DGKD: variants seen among roughly 807,000 people sequenced by gnomAD.
The protein encoded by DGKD is DAG kinase delta.
A neutral mutation model predicts 154.4 loss-of-function variants in DGKD; 68 were observed. The ratio of observed to expected loss-of-function variants is 0.44; its 90% CI spans 0.36 to 0.54. DGKD has a LOEUF of 0.54. Ranked by LOEUF, DGKD falls within the 20% of genes least tolerant of loss-of-function variation. The probability of loss-of-function intolerance (pLI) is 0.00; values close to 1 mark genes in which losing one functional copy is unlikely to be tolerated. For synonymous variants in DGKD, 693 were observed against 638.0 expected (o/e 1.09, Z -1.30); for missense variants, 1,343 against 1,593.6 (o/e 0.84, Z 2.68).
Position 233,459,937 on chromosome 2 carries a change from C to T in DGKD, c.2829+46C>T, listed in dbSNP as rs1272769137. 1.9e-6 allele frequency: 3 copies of T among 1,594,514 alleles called. No homozygotes were observed. ...TACCTGGGTGGGGTACAGGGCTCAC[C>T]TGTGGGCTCTTGTGTGCACTGTTAA... On this transcript the variant is annotated intron_variant, in intron 23 of 29. Coordinates refer to ENST00000264057, the MANE Select transcript of DGKD (RefSeq NM_152879.3). This position sits in a 1 kb window ranked among gnomAD's most constrained non-coding sequence, Gnocchi z 5.7.
At chr2:233,386,084 C>G (rs1575014216) in intron 1 of DGKD, 1 of 420,524 alleles carries the variant, frequency 2.4e-6, no homozygotes, top group South Asian at 1.7e-5. Context: ...GCAGGAGATG[C>G]AAGAAAAAAT....
chr2:233,364,934 A>G (rs563446091), intron 1 of DGKD, among the ~76,000 whole-genome samples: 57 of 152,338 alleles, frequency 3.7e-4, no homozygotes, highest in African/African-American at 1.3e-3. Flanking sequence ...AAAAGATACT[A>G]TGCAAACACT....
chr2:233,454,037 G>C (rs1228672418), intron 18 of DGKD, among the ~76,000 whole-genome samples: 9 of 152,232 alleles, frequency 5.9e-5, no homozygotes, highest in Non-Finnish European at 4.4e-5. Flanking sequence ...TGGTGCTGCT[G>C]GTGGAGTGTA....
At chr2:233,467,366 G>T (rs918921705) in intron 28 of DGKD, among the ~76,000 whole-genome samples, 163 bp downstream of exon 28, 10 of 152,142 alleles carry the variant, frequency 6.6e-5, no homozygotes, top group African/African-American at 2.4e-4. Context: ...GGTAGCTGCA[G>T]CCCTCCACCC....
At chr2:233,368,493 C>G (rs1268880565) in intron 1 of DGKD, among the ~76,000 whole-genome samples, 1 of 152,166 alleles carries the variant, frequency 6.6e-6, no homozygotes, top group Non-Finnish European at 1.5e-5. Flanking sequence ...GGCTGGGCGA[C>G]AGAGCGAGAC....
At chr2:233,444,320 C>G (rs2062994105) in intron 10 of DGKD, among the ~76,000 whole-genome samples, 1 of 152,116 alleles carries the variant, frequency 6.6e-6, no homozygotes, top group South Asian at 2.1e-4. Context: ...CCACAGTACC[C>G]TGGCCTCTGT....
intron 25 of DGKD, 23 bp from the exon 26 acceptor site, chr2:233,462,620 C>T (rs2063686457): frequency 6.2e-7 from 1 of 1,609,098 alleles, no homozygotes. Flanking sequence ...CGCCCCCATG[C>T]ATATTTGCCT....
intron 3 of DGKD, among the ~76,000 whole-genome samples, chr2:233,397,304 G>T (rs1456391419): frequency 2.6e-4 from 29 of 111,292 alleles, no homozygotes; most frequent in African/African-American, 7.7e-4. Context: ...GGTGGCTGGG[G>T]GGGGGGCCAG....
intron 3 of DGKD, among the ~76,000 whole-genome samples, chr2:233,418,925 C>T (rs905167435): frequency 6.6e-6 from 1 of 152,202 alleles, no homozygotes; most frequent in Admixed American, 6.5e-5. Flanking sequence ...TGGGGAACTC[C>T]AAGAGCTTGT....
rs915570043 is a variant in DGKD, at chr2:233,469,813, G to A, written c.*353G>A. 4 of 246,220 alleles carry A rather than the reference G, an allele frequency of 1.6e-5. No individual in the cohort carries two copies. Among genetic ancestry groups the A allele is most frequent in the Non-Finnish European group, 3.2e-5 (4 of 126,712 alleles). The allele number at this position is 246,220 out of a possible 1,614,324, so 15.3% of individuals were successfully genotyped here. On this transcript the variant is annotated 3_prime_UTR_variant, in exon 30 of 30. Coordinates refer to ENST00000264057, the MANE Select transcript of DGKD (RefSeq NM_152879.3). ...TCCTGGGCACTGCTTGCCTGGCCTC[G>A]TGCTTGGATTGTCCCGGGGGCTCCT...
At chr2:233,423,327 T>C (rs2062182147) in intron 3 of DGKD, among the ~76,000 whole-genome samples, 1 of 152,174 alleles carries the variant, frequency 6.6e-6, no homozygotes. Context: ...TTTAAGAAAC[T>C]GCCAAACCGT....
chr2:233,388,097 G>T, intron 1 of DGKD, 160 bp from the exon 2 acceptor site: 1 of 1,459,608 alleles, frequency 6.9e-7, no homozygotes, highest in South Asian at 1.4e-5. Context: ...CCCCGGCAGC[G>T]TGCTGGGCCT....
chr2:233,376,075 T>C (rs561813855), intron 1 of DGKD, among the ~76,000 whole-genome samples: 18 of 152,304 alleles, frequency 1.2e-4, no homozygotes, highest in Admixed American at 3.9e-4. Flanking sequence ...GCTGAATCTT[T>C]CCTACCTTAA....
intron 1 of DGKD, among the ~76,000 whole-genome samples, chr2:233,369,314 C>T (rs990194684): frequency 2.0e-5 from 3 of 152,114 alleles, no homozygotes; most frequent in African/African-American, 7.2e-5. Flanking sequence ...CCCTTTGACT[C>T]CTTCCAGTTG....
intron 24 of DGKD, among the ~76,000 whole-genome samples, chr2:233,461,538 G>C (rs7584192): frequency 0.031 from 4,686 of 152,280 alleles, 235 homozygotes; most frequent in African/African-American, 0.11. Context: ...CCCTGTCCTC[G>C]TCTCTCCCCC....
chr2:233,418,568 A>G (rs1183845249), intron 3 of DGKD, among the ~76,000 whole-genome samples: 2 of 152,252 alleles, frequency 1.3e-5, no homozygotes, highest in African/African-American at 4.8e-5. Flanking sequence ...ATCTTCTGGT[A>G]GGTTACATGT....
At chr2:233,437,526 CCTTCTCCACGCACTTTCT>C in intron 8 of DGKD, 47 bp downstream of exon 8, 1 of 1,552,138 alleles carries the variant, frequency 6.4e-7, no homozygotes, top group South Asian at 1.1e-5. Flanking sequence ...CCACACGCTT[CCTTCTCCACGCACTTTCT>C]CTTCTCCAGC....
At chr2:233,371,329 C>A (rs1218464226) in intron 1 of DGKD, among the ~76,000 whole-genome samples, 1 of 151,950 alleles carries the variant, frequency 6.6e-6, no homozygotes, top group Admixed American at 6.6e-5. Flanking sequence ...GTTTATTGAC[C>A]ATTTGTATAT....
rs909591459 is a variant in DGKD, at chr2:233,445,695, G to A, written c.1267G>A (p.Asp423Asn). ...AGTACTGGGCTGGGGCTCAGCCTGCGATGACGACACCCAGCTCCCCCAGAT... is the reference window on the plus strand; with the variant it reads ...AGTACTGGGCTGGGGCTCAGCCTGCAATGACGACACCCAGCTCCCCCAGAT... ...ARVLGWGSAC[D>N]DDTQLPQILE... The change falls in exon 11 of 30, where the codon GAT becomes AAT. Residue 423 changes from aspartate to asparagine, a missense_variant. Coordinates refer to ENST00000264057, the MANE Select transcript of DGKD (RefSeq NM_152879.3). This position sits in a 1 kb window ranked among gnomAD's most constrained non-coding sequence, Gnocchi z 5.5. 6 of 1,613,546 alleles carry A rather than the reference G, an allele frequency of 3.7e-6. No homozygotes were observed. The highest frequency in any genetic ancestry group is 2.7e-5 in the African/African-American group (2 of 74,888).
Sources: gnomAD v4.1 joint callset for allele counts (sites outside exome capture counted in the v4.1 genomes callset) on GRCh38, gnomAD v4.1.1 for gene constraint, Gnocchi (gnomAD v3.1) non-coding constraint, MANE v1.5 for transcripts, NCBI Gene and HGNC (gene_info 2026-07-23, HGNC 2026-07-21) for gene names.